Variants in TRAF3 observed in about 807,000 individuals in gnomAD.
TRAF3 encodes the protein TNF receptor-associated factor 3.
Under a neutral mutation model 62.3 loss-of-function variants are expected in TRAF3, and 13 were observed. The ratio of observed to expected loss-of-function variants is 0.21; its 90% CI spans 0.14 to 0.33. TRAF3 has a LOEUF of 0.33. Ranked by LOEUF, TRAF3 falls within the 10% of genes least tolerant of loss-of-function variation. The pLI is 1.00. For missense variants in TRAF3, 440 were observed against 741.8 expected, an observed-to-expected ratio of 0.59 and a Z score of 4.73; for synonymous variants, 269 against 283.4, an observed-to-expected ratio of 0.95 and a Z score of 0.51.
chr14:102,796,981 G>T (rs778899967), intron 1 of TRAF3, among the ~76,000 whole-genome samples: 4 of 152,156 alleles, frequency 2.6e-5, no homozygotes, highest in Non-Finnish European at 4.4e-5. Flanking sequence ...CTTTCTGTCA[G>T]AATGTAGTGG....
chr14:102,779,266 C>A (rs1897169799), intron 1 of TRAF3, among the ~76,000 whole-genome samples: 1 of 110,730 alleles, frequency 9.0e-6, no homozygotes, highest in African/African-American at 3.3e-5. Flanking sequence ...GGGAGAATTC[C>A]AGCTTTTTTT....
intron 2 of TRAF3, among the ~76,000 whole-genome samples, chr14:102,830,948 T>C (rs1900644379): frequency 6.6e-6 from 1 of 152,244 alleles, no homozygotes; most frequent in African/African-American, 2.4e-5. Context: ...AATAAGAGGT[T>C]CGGCTTACAA....
intron 1 of TRAF3, among the ~76,000 whole-genome samples, chr14:102,808,188 C>G (rs534473138): frequency 6.6e-6 from 1 of 152,176 alleles, no homozygotes; most frequent in East Asian, 1.9e-4. Context: ...TGGAGCATTC[C>G]TAAGTTTCGC....
chr14:102,904,530 G>A (rs922631992), intron 11 of TRAF3, among the ~76,000 whole-genome samples: 1 of 152,164 alleles, frequency 6.6e-6, no homozygotes, highest in Non-Finnish European at 1.5e-5. Context: ...AAAAAATGAG[G>A]CCGGGTGCAG....
intron 1 of TRAF3, among the ~76,000 whole-genome samples, chr14:102,817,177 A>G (rs1266325293): frequency 6.6e-6 from 1 of 151,792 alleles, no homozygotes; most frequent in Non-Finnish European, 1.5e-5. Flanking sequence ...GGTCTGGGGG[A>G]ATTACAGGGA....
chr14:102,841,878 A>T (rs548418889), intron 2 of TRAF3, among the ~76,000 whole-genome samples: 1 of 152,334 alleles, frequency 6.6e-6, no homozygotes, highest in East Asian at 1.9e-4. Context: ...AGAAAAACAT[A>T]AGCATACTGA....
intron 1 of TRAF3, among the ~76,000 whole-genome samples, chr14:102,812,648 G>A (rs1050256122): frequency 3.9e-5 from 6 of 152,132 alleles, no homozygotes; most frequent in Non-Finnish European, 7.4e-5. Context: ...GGCCGGGCGT[G>A]GTGGCTCACG....
intron 2 of TRAF3, among the ~76,000 whole-genome samples, chr14:102,850,711 AAGTT>A (rs1886984744): frequency 1.3e-5 from 2 of 151,508 alleles, no homozygotes; most frequent in African/African-American, 4.8e-5. Context: ...AAAAAAAAAA[AAGTT>A]ACAGCGCTCA....
Position 102,814,534 on chromosome 14 carries a change from C to T in TRAF3, c.-156-15800C>T, listed in dbSNP as rs540739256. 2.0e-5 allele frequency among the ~76,000 whole-genome samples: 3 copies of T among 152,032 alleles called. 1 individual carries two copies. The South Asian group carries it at 6.2e-4, about 32-fold the overall frequency. On this transcript the variant is annotated intron_variant, in intron 1 of 11. Coordinates refer to ENST00000392745, the MANE Select transcript of TRAF3 (RefSeq NM_145725.3). ...AATTATCTTGATTTCTTTTTTTCCCCCCCAAGACAGGGTCTCACTTCGTTA... is the reference window on the plus strand; with the variant it reads ...AATTATCTTGATTTCTTTTTTTCCCTCCCAAGACAGGGTCTCACTTCGTTA...
intron 7 of TRAF3, among the ~76,000 whole-genome samples, chr14:102,888,523 T>C (rs1889532464): frequency 6.6e-6 from 1 of 152,150 alleles, no homozygotes; most frequent in Non-Finnish European, 1.5e-5. Flanking sequence ...GACTGAGAAG[T>C]TGTAGAACTT....
chr14:102,807,110 T>C (rs1024821654), intron 1 of TRAF3, among the ~76,000 whole-genome samples: 2 of 150,554 alleles, frequency 1.3e-5, no homozygotes, highest in African/African-American at 4.8e-5. Context: ...CACCCCAGTT[T>C]TCTCCAGGCC....
chr14:102,904,106 C>T (rs1349785179), intron 11 of TRAF3, among the ~76,000 whole-genome samples: 1 of 152,148 alleles, frequency 6.6e-6, no homozygotes, highest in Non-Finnish European at 1.5e-5. Context: ...CTCCCACCAG[C>T]GGGCTTCCCA....
chr14:102,783,825 C>T (rs1051150194), intron 1 of TRAF3, among the ~76,000 whole-genome samples: 11 of 152,240 alleles, frequency 7.2e-5, no homozygotes, highest in African/African-American at 2.4e-4. Context: ...GGTAGAATGA[C>T]CTTGGGCAGG....
At chr14:102,805,850 A>G (rs1898740513) in intron 1 of TRAF3, among the ~76,000 whole-genome samples, 1 of 152,174 alleles carries the variant, frequency 6.6e-6, no homozygotes, top group Non-Finnish European at 1.5e-5. Context: ...GTGTGAGTAC[A>G]TACCTGTTTT....
At chr14:102,782,809 C>G (rs1897321607) in intron 1 of TRAF3, among the ~76,000 whole-genome samples, 1 of 152,024 alleles carries the variant, frequency 6.6e-6, no homozygotes, top group South Asian at 2.1e-4. Flanking sequence ...GATTTCCTTT[C>G]CAGCTGAAAC....
intron 2 of TRAF3, among the ~76,000 whole-genome samples, chr14:102,861,775 C>T (rs983071875): frequency 3.3e-5 from 5 of 152,064 alleles, no homozygotes; most frequent in Non-Finnish European, 7.4e-5. Flanking sequence ...GCAGAGCAGC[C>T]GATTTGTATT....
intron 1 of TRAF3, among the ~76,000 whole-genome samples, chr14:102,791,050 C>T (rs1156261089): frequency 2.0e-5 from 3 of 146,902 alleles, no homozygotes; most frequent in Admixed American, 6.9e-5. Flanking sequence ...GAGGGAGTCT[C>T]GCTCTGTTCC....
chr14:102,864,034 C>G (rs372834690), intron 2 of TRAF3, among the ~76,000 whole-genome samples: 111 of 152,180 alleles, frequency 7.3e-4, no homozygotes, highest in African/African-American at 2.6e-3. Flanking sequence ...ACTCGCGGTT[C>G]TTGCTGAGAT....
At chr14:102,793,732 T>A (rs1438360728) in intron 1 of TRAF3, among the ~76,000 whole-genome samples, 1 of 152,236 alleles carries the variant, frequency 6.6e-6, no homozygotes, top group Non-Finnish European at 1.5e-5. Context: ...GGAACTCTAT[T>A]CCTGATGCCA....
Sources: allele counts gnomAD v4.1 joint callset (sites outside exome capture counted in the v4.1 genomes callset), GRCh38; gene constraint gnomAD v4.1.1; transcripts MANE v1.5; gene names NCBI Gene and HGNC (gene_info 2026-07-23, HGNC 2026-07-21).